The following SP4 variants were observed in gnomAD, a reference collection of about 807,000 sequenced individuals.
The protein encoded by SP4 is transcription factor Sp4.
Under a neutral mutation model 72.8 loss-of-function variants are expected in SP4, and 19 were observed. The observed-to-expected ratio is 0.26, with a 90% confidence interval of 0.18 to 0.38. SP4 has a LOEUF of 0.38. Among genes scored for constraint, SP4 ranks in the 10% least tolerant of loss-of-function variants. The pLI, the probability that SP4 is intolerant of heterozygous loss-of-function variation, is 1.00. For synonymous variants in SP4, 395 were observed against 333.1 expected, an observed-to-expected ratio of 1.19 and a Z score of -2.02; for missense variants, 1,008 against 926.3, an observed-to-expected ratio of 1.09 and a Z score of -1.14.
At chr7:21,483,225 T>C (rs1174231433) in intron 5 of SP4, among the ~76,000 whole-genome samples, 1 of 152,022 alleles carries the variant, frequency 6.6e-6, no homozygotes, top group Non-Finnish European at 1.5e-5. Context: ...TAGTCATTTA[T>C]GGCTTTGTTT....
In SP4 at chr7:21,430,614, G is replaced by A; in HGVS notation, c.1449G>A (p.Leu483=). 6.2e-7 allele frequency: 1 copy of A among 1,614,240 alleles called. No individual in the cohort carries two copies. Among genetic ancestry groups the A allele is most frequent in the Admixed American group, 1.7e-5 (1 of 60,026 alleles). ...AGAATATTCAGAGTCTTTCAAATTTGCAAGTTCAGAATGCTGGGTTATCCC... is the reference window on the plus strand; with the variant it reads ...AGAATATTCAGAGTCTTTCAAATTTACAAGTTCAGAATGCTGGGTTATCCC... ...QVQNIQSLSN[L]QVQNAGLSQQ... The change falls in exon 3 of 6, where the codon TTG becomes TTA. Residue 483 remains leucine (L), a synonymous_variant. Coordinates refer to ENST00000222584, the MANE Select transcript of SP4 (RefSeq NM_003112.5).
intron 3 of SP4, among the ~76,000 whole-genome samples, chr7:21,442,774 C>T (rs956998071): frequency 3.3e-5 from 5 of 152,196 alleles, no homozygotes; most frequent in Admixed American, 6.5e-5. Context: ...CCCACTCTGT[C>T]GCCTAGGCTA....
intron 3 of SP4, among the ~76,000 whole-genome samples, chr7:21,458,967 C>G (rs1038834679): frequency 5.3e-5 from 8 of 152,076 alleles, no homozygotes; most frequent in African/African-American, 1.9e-4. Flanking sequence ...CTCTCTTGGC[C>G]CTAAACTATG....
chr7:21,482,254 G>T, intron 5 of SP4, 131 bp downstream of exon 5: 1 of 672,388 alleles, frequency 1.5e-6, no homozygotes, highest in Non-Finnish European at 2.5e-6. Context: ...GCAATTATAT[G>T]GAAGATGTTT....
chr7:21,500,058 T>C (rs906311136), intron 5 of SP4, among the ~76,000 whole-genome samples: 1 of 152,208 alleles, frequency 6.6e-6, no homozygotes, highest in African/African-American at 2.4e-5. Flanking sequence ...TTCTGGAACA[T>C]TGTATTTAAA....
chr7:21,497,010 T>C (rs1014908224), intron 5 of SP4, among the ~76,000 whole-genome samples: 1 of 152,254 alleles, frequency 6.6e-6, no homozygotes, highest in Admixed American at 6.5e-5. Flanking sequence ...CTTCTGAATC[T>C]CTTAGCTCTC....
chr7:21,455,841 A>G (rs1167428199), intron 3 of SP4, among the ~76,000 whole-genome samples: 1 of 152,160 alleles, frequency 6.6e-6, no homozygotes, highest in Non-Finnish European at 1.5e-5. Context: ...GCAGCATTTT[A>G]GCAACAAAAT....
At chr7:21,429,044 G>C (rs45619337) in intron 2 of SP4, 13 of 574,626 alleles carry the variant, frequency 2.3e-5, no homozygotes, top group Middle Eastern at 4.6e-4. Context: ...TTGAGTTTAG[G>C]AACATAACAC....
In SP4 at chr7:21,430,254, A is replaced by G. The variant is rs750232765; in HGVS notation, c.1089A>G (p.Gln363=). The G allele has an allele frequency of 1.9e-5, 31 of 1,614,214 alleles. No homozygotes were observed. In the Middle Eastern group the frequency reaches 4.9e-4, roughly 26 times the overall value. Residue 363 remains glutamine (Q), a synonymous_variant, in exon 3 of 6, where the codon CAA becomes CAG. Coordinates refer to ENST00000222584, the MANE Select transcript of SP4 (RefSeq NM_003112.5). ...CTGAACGCACCATTGAAGAATCTCA[A>G]ACACCTGCTGCTACTGAGTCTGAAG... is the stretch of plus-strand genomic sequence containing the variant. The part of the protein sequence containing the change: ...SSSERTIEES[Q]TPAATESEAQ...
chr7:21,501,988 T>G lies in SP4; in HGVS notation c.2108-9034T>G, dbSNP rs148489966. 5.0e-4 allele frequency among the ~76,000 whole-genome samples: 74 copies of G among 148,546 alleles called. No homozygotes were observed. The East Asian group carries it at 0.014, about 29-fold the overall frequency. On this transcript the variant is annotated intron_variant, in intron 5 of 5. Coordinates refer to ENST00000222584, the MANE Select transcript of SP4 (RefSeq NM_003112.5). ...TCTTAATAGTTGACCACCAGAAGAG[T>G]GCTGACTTAAACCGAGCTGCTATTT... is the stretch of plus-strand genomic sequence containing the variant.
intron 5 of SP4, among the ~76,000 whole-genome samples, chr7:21,490,458 T>C (rs1784945778): frequency 6.6e-6 from 1 of 152,182 alleles, no homozygotes; most frequent in African/African-American, 2.4e-5. Flanking sequence ...GAGTCTGTTT[T>C]CCAAGAAATC....
intron 3 of SP4, among the ~76,000 whole-genome samples, chr7:21,434,828 T>TC (rs1782992852): frequency 6.6e-6 from 1 of 152,100 alleles, no homozygotes; most frequent in African/African-American, 2.4e-5. Flanking sequence ...TTTTTTTTTT[T>TC]TTTTTAGCTC....
At chr7:21,486,392 A>G (rs964693750) in intron 5 of SP4, among the ~76,000 whole-genome samples, 8 of 152,092 alleles carry the variant, frequency 5.3e-5, no homozygotes, top group African/African-American at 9.7e-5. Flanking sequence ...CTTTCCACCA[A>G]TATACCTTTT....
At chr7:21,501,097 C>T (rs1157430058) in intron 5 of SP4, among the ~76,000 whole-genome samples, 2 of 152,194 alleles carry the variant, frequency 1.3e-5, no homozygotes, top group East Asian at 3.9e-4. Flanking sequence ...TCTTCCCGGA[C>T]ATCATCCAAG....
At chr7:21,431,036 TTA>T (rs1431096637) in intron 3 of SP4, among the ~76,000 whole-genome samples, 193 bp downstream of exon 3, 1 of 152,010 alleles carries the variant, frequency 6.6e-6, no homozygotes, top group Non-Finnish European at 1.5e-5. Context: ...TTTGTAGATT[TTA>T]TAATAATGTG....
In SP4 at chr7:21,513,649, TG is replaced by T. The variant is rs1334714132; in HGVS notation, c.*2381del. 2.0e-5 allele frequency: 3 copies of T among 152,390 alleles called. No individual in the cohort carries two copies. The highest frequency in any genetic ancestry group is 7.2e-5 in the African/African-American group (3 of 41,462). 9.4% of individuals were successfully genotyped at this position (152,390 alleles called of 1,614,324 possible). On this transcript the variant is annotated 3_prime_UTR_variant, in exon 6 of 6. Coordinates refer to ENST00000222584, the MANE Select transcript of SP4 (RefSeq NM_003112.5). ...GTTTCCTCAGAGTGACACTTTTTGT[TG>T]TTGTTAATACCAAGTATGAACACTC...
At chr7:21,435,762 C>T (rs1783031527) in intron 3 of SP4, among the ~76,000 whole-genome samples, 1 of 151,902 alleles carries the variant, frequency 6.6e-6, no homozygotes, top group Non-Finnish European at 1.5e-5. Context: ...TTCTGAACTA[C>T]CAAGCTGGCT....
intron 3 of SP4, among the ~76,000 whole-genome samples, chr7:21,455,539 G>T (rs1303888306): frequency 6.6e-6 from 1 of 152,100 alleles, no homozygotes; most frequent in Non-Finnish European, 1.5e-5. Context: ...CGTCCTTAGG[G>T]TTCCATAATG....
chr7:21,477,003 A>C (rs1009393131), intron 3 of SP4, 76 bp from the exon 4 acceptor site: 9 of 1,058,914 alleles, frequency 8.5e-6, no homozygotes, highest in Admixed American at 5.2e-5. Flanking sequence ...TTTATTATGC[A>C]CATAGATTTT....
Sources: allele counts gnomAD v4.1 joint callset (sites outside exome capture counted in the v4.1 genomes callset), GRCh38; gene constraint gnomAD v4.1.1; transcripts MANE v1.5; gene names NCBI Gene and HGNC (gene_info 2026-07-23, HGNC 2026-07-21).